MALAT1: variants seen among roughly 807,000 people sequenced by gnomAD.
The protein encoded by MALAT1 is hepcarcin.
exon 3 of MALAT1, chr11:65,501,241 TG>T (rs1854539250): frequency 1.4e-5 from 4 of 284,240 alleles, no homozygotes; most frequent in Middle Eastern, 4.5e-4. Context: ...TTTGTGGGGG[TG>T]GGGGCAAAAT....
chr11:65,497,971 AGGT>A (rs1393032998), intron 1 of MALAT1: 6 of 518,796 alleles, frequency 1.2e-5, no homozygotes, highest in Non-Finnish European at 2.3e-5. Context: ...TGGCCATTCC[AGGT>A]GGTGGTATTT....
chr11:65,503,687 T>C (rs1854607044), exon 3 of MALAT1: 1 of 517,622 alleles, frequency 1.9e-6, no homozygotes, highest in Admixed American at 1.9e-5. Flanking sequence ...TGTAGTTCAG[T>C]GTTGGGGCAA....
At chr11:65,498,165 C>T (rs535664676) in intron 1 of MALAT1, 6 of 518,916 alleles carry the variant, frequency 1.2e-5, no homozygotes, top group Admixed American at 5.8e-5. Flanking sequence ...CTGGGTGTGT[C>T]CCTGACTGGC....
exon 3 of MALAT1, chr11:65,503,325 T>G (rs1486161301): frequency 1.9e-6 from 1 of 518,712 alleles, no homozygotes; most frequent in East Asian, 5.4e-5. Flanking sequence ...ATTGAGAAAT[T>G]TTTCCATCGA....
chr11:65,499,982 C>T, exon 3 of MALAT1: 2 of 426,348 alleles, frequency 4.7e-6, no homozygotes, highest in South Asian at 1.7e-5. Flanking sequence ...TAAAATAGCA[C>T]TGAAAAAATG....
At chr11:65,500,928 C>T (rs758763306) in exon 3 of MALAT1, 1 of 512,954 alleles carries the variant, frequency 1.9e-6, no homozygotes, top group Admixed American at 2.0e-5. Flanking sequence ...CTTTTTCAGG[C>T]TTATACTCAT....
exon 3 of MALAT1, chr11:65,501,668 A>T (rs1854548287): frequency 3.9e-6 from 2 of 518,890 alleles, no homozygotes; most frequent in Admixed American, 1.9e-5. Flanking sequence ...ACCTTCAGGG[A>T]CTGGAGCTGC....
chr11:65,502,755 A>G (rs564575824), exon 3 of MALAT1: 1 of 516,348 alleles, frequency 1.9e-6, no homozygotes, highest in South Asian at 1.4e-5. Flanking sequence ...TATATGTCAT[A>G]CCTCCATTGG....
At chr11:65,499,013 T>A (rs777224630) in exon 3 of MALAT1, 5 of 518,656 alleles carry the variant, frequency 9.6e-6, no homozygotes, top group Non-Finnish European at 1.9e-5. Context: ...TTGTTCTCCG[T>A]CTATAAATAC....
exon 3 of MALAT1, chr11:65,500,487 G>A (rs751479559): frequency 3.9e-6 from 2 of 518,816 alleles, no homozygotes; most frequent in Non-Finnish European, 7.7e-6. Context: ...TAGGACTGAG[G>A]AGCAAGCGAG....
Position 65,504,346 on chromosome 11 carries a change from G to A in MALAT1, n.5168+441G>A, listed in dbSNP as rs767418960. 7.8e-6 allele frequency: 4 copies of A among 515,202 alleles called. No homozygotes were observed. The Admixed American group carries it at 7.9e-5, about 10-fold the overall frequency. The allele number at this position is 515,202 out of a possible 1,614,324, so 31.9% of individuals were successfully genotyped here. A position where few individuals can be genotyped will look rare whatever the true frequency, so the allele number is the denominator to read the frequency against. On this transcript the variant is annotated intron_variant and non_coding_transcript_variant, in intron 3 of 3. Transcript: ENST00000619449. ...TACAGACTTCACAGAGAATGCAGTTGTCTTGACTTCAGGTCTGTCTGTTCT... is the reference window on the plus strand; with the variant it reads ...TACAGACTTCACAGAGAATGCAGTTATCTTGACTTCAGGTCTGTCTGTTCT...
chr11:65,502,617 A>G, exon 3 of MALAT1: 1 of 476,102 alleles, frequency 2.1e-6, no homozygotes, highest in Non-Finnish European at 4.0e-6. Context: ...AGGGAGGGGA[A>G]ACTTTTTTTT....
At chr11:65,504,696 AAGCAAC>A (rs1319734392) in intron 3 of MALAT1, 1 of 518,884 alleles carries the variant, frequency 1.9e-6, no homozygotes, top group Non-Finnish European at 3.8e-6. Flanking sequence ...CATTCCAAAC[AAGCAAC>A]AGTCTTCAAG....
intron 1 of MALAT1, chr11:65,498,306 A>C (rs756894821): frequency 1.4e-5 from 7 of 518,148 alleles, no homozygotes; most frequent in African/African-American, 1.2e-4. Flanking sequence ...AAGCTGAAAA[A>C]CGGTAGAAAA....
exon 3 of MALAT1, chr11:65,502,429 T>TG (rs772015277): frequency 1.2e-5 from 6 of 504,094 alleles, no homozygotes; most frequent in Non-Finnish European, 2.4e-5. Context: ...TAAGCAAGTT[T>TG]TTTTTTAGTG....
chr11:65,499,773 GT>G (rs1565675831), exon 3 of MALAT1: 1 of 426,564 alleles, frequency 2.3e-6, no homozygotes, highest in Admixed American at 3.0e-5. Context: ...AACCTGAAAA[GT>G]AGGAAGCAGA....
At chr11:65,499,338 T>G in exon 3 of MALAT1, 1 of 499,432 alleles carries the variant, frequency 2.0e-6, no homozygotes, top group South Asian at 1.5e-5. Context: ...GAGTAAAAAA[T>G]GTATTTAAAA....
intron 1 of MALAT1, chr11:65,498,261 C>T (rs749437916): frequency 1.7e-5 from 9 of 518,604 alleles, no homozygotes; most frequent in Non-Finnish European, 3.1e-5. Context: ...CTTTCCATGG[C>T]GATTTGCCTT....
exon 3 of MALAT1, chr11:65,498,990 C>T (rs754952299): frequency 3.9e-6 from 2 of 518,792 alleles, no homozygotes; most frequent in South Asian, 1.4e-5. Flanking sequence ...TGATCGAATT[C>T]CGGTGATGCG....
Sources: allele counts gnomAD v4.1 joint callset, GRCh38; gene constraint gnomAD v4.1.1; transcripts MANE v1.5; gene names NCBI Gene and HGNC (gene_info 2026-07-23, HGNC 2026-07-21).